The following FKBP5 variants were observed in gnomAD, a reference collection of about 807,000 sequenced individuals.
The protein encoded by FKBP5 is FKBP prolyl isomerase 5.
A neutral mutation model predicts 50.5 loss-of-function variants in FKBP5; 23 were observed. The ratio of observed to expected loss-of-function variants is 0.46; its 90% confidence interval spans 0.33 to 0.65. The LOEUF is 0.65. Ranked by LOEUF, FKBP5 falls within the 30% of genes least tolerant of loss-of-function variation. FKBP5 has a pLI of 0.02. For missense variants in FKBP5, 411 were observed against 553.1 expected, an observed-to-expected ratio of 0.74 and a Z score of 2.58; for synonymous variants, 176 against 190.6, an observed-to-expected ratio of 0.92 and a Z score of 0.63.
intron 5 of FKBP5, among the ~76,000 whole-genome samples, chr6:35,598,522 C>T (rs542830305): frequency 1.3e-5 from 2 of 152,186 alleles, no homozygotes; most frequent in East Asian, 3.9e-4. Flanking sequence ...CAGGTCTGGC[C>T]TAGACTCTTT....
At position 35,585,854 on chromosome 6, in the gene FKBP5, G is replaced by GCCC. The variant is rs1024986416; in HGVS notation, c.840+1177_840+1179dup. On this transcript the variant is annotated intron_variant, in intron 8 of 10. Transcript: ENST00000357266. Reference sequence around the variant, plus strand: ...AGCTCAAATTCTGAAAACACATGGTGCCCTCTGGCTGTGTTAATTTTGGGT... The same window carrying GCCC: ...AGCTCAAATTCTGAAAACACATGGTGCCCCCCTCTGGCTGTGTTAATTTTGGGT... 7 of 985,212 alleles carry GCCC rather than the reference G, an allele frequency of 7.1e-6. No individual in the cohort carries two copies. In the Admixed American group the frequency reaches 4.3e-4, roughly 61 times the overall value. 61.0% of individuals were successfully genotyped at this position (985,212 alleles called of 1,614,324 possible).
In FKBP5 at chr6:35,574,479, A is replaced by C. The variant is rs1284422753; in HGVS notation, c.*1356T>G. 1 of 152,214 alleles carries C rather than the reference A, an allele frequency of 6.6e-6. No individual in the cohort carries two copies. Among genetic ancestry groups the C allele is most frequent in the Non-Finnish European group, 1.5e-5 (1 of 68,042 alleles). 9.4% of individuals were successfully genotyped at this position (152,214 alleles called of 1,614,324 possible). A position where few individuals can be genotyped will look rare whatever the true frequency, so the allele number is the denominator to read the frequency against. On this transcript the variant is annotated 3_prime_UTR_variant, in exon 11 of 11. Transcript: ENST00000357266. Reference sequence around the variant, plus strand: ...TGTTTACCCGTAAGGACTGAAATTCAACTACATGTACACATTTAAGACTTG... The same window carrying C: ...TGTTTACCCGTAAGGACTGAAATTCCACTACATGTACACATTTAAGACTTG...
chr6:35,608,048 A>G (rs1413867032), intron 5 of FKBP5: 1 of 152,280 alleles, frequency 6.6e-6, no homozygotes, highest in East Asian at 1.9e-4. Context: ...AGCCATAAAA[A>G]AGAATGAAAG....
chr6:35,636,871 GC>G, intron 3 of FKBP5, 142 bp downstream of exon 3: 1 of 624,546 alleles, frequency 1.6e-6, no homozygotes, highest in South Asian at 2.9e-5. Context: ...ATCTCAGAGA[GC>G]CCTAGGGATT....
intron 2 of FKBP5, 72 bp downstream of exon 2, chr6:35,642,648 C>T (rs1764525396): frequency 8.6e-7 from 1 of 1,163,700 alleles, no homozygotes; most frequent in Non-Finnish European, 1.3e-6. Context: ...CCCCAGCCCC[C>T]CTCAGAAAGA....
chr6:35,727,876 G>A (rs1470248191), intron 1 of FKBP5, among the ~76,000 whole-genome samples: 2 of 152,192 alleles, frequency 1.3e-5, no homozygotes, highest in African/African-American at 2.4e-5. Context: ...ACCCAAGCCT[G>A]GGGTACCCAA....
At chr6:35,609,072 C>A (rs1376026239) in intron 5 of FKBP5, among the ~76,000 whole-genome samples, 3 of 152,174 alleles carry the variant, frequency 2.0e-5, no homozygotes, top group Non-Finnish European at 4.4e-5. Context: ...CAGGTGTGGG[C>A]CACTGTGCCC....
intron 6 of FKBP5, among the ~76,000 whole-genome samples, chr6:35,593,911 GA>G (rs887039116): frequency 6.6e-6 from 1 of 150,942 alleles, no homozygotes; most frequent in East Asian, 1.9e-4. Context: ...GGAAAGGACG[GA>G]AAAAAAAGTT....
At chr6:35,707,116 G>T (rs1039446994) in intron 2 of FKBP5, among the ~76,000 whole-genome samples, 2 of 151,822 alleles carry the variant, frequency 1.3e-5, no homozygotes, top group Non-Finnish European at 2.9e-5. Flanking sequence ...GGAGGAAAAA[G>T]GACTCGTTTT....
chr6:35,634,065 T>A (rs904718889), intron 3 of FKBP5, among the ~76,000 whole-genome samples: 1 of 152,182 alleles, frequency 6.6e-6, no homozygotes, highest in Admixed American at 6.5e-5. Context: ...CACCATAGTG[T>A]TTTACTGAGA....
At chr6:35,641,671 T>C (rs1764493778) in intron 2 of FKBP5, among the ~76,000 whole-genome samples, 1 of 152,168 alleles carries the variant, frequency 6.6e-6, no homozygotes, top group Non-Finnish European at 1.5e-5. Context: ...TCGCAAAAGA[T>C]ATCTTCACTG....
At chr6:35,695,867 G>A (rs995581812) in intron 2 of FKBP5, among the ~76,000 whole-genome samples, 1 of 152,074 alleles carries the variant, frequency 6.6e-6, no homozygotes, top group South Asian at 2.1e-4. Flanking sequence ...TCTTTAGGCC[G>A]GGCGTGGTGG....
chr6:35,611,615 T>TA (rs927380160), intron 5 of FKBP5, among the ~76,000 whole-genome samples: 1 of 152,186 alleles, frequency 6.6e-6, no homozygotes, highest in Non-Finnish European at 1.5e-5. Context: ...CAATTAAACT[T>TA]AAAGACTGAA....
chr6:35,707,468 G>A (rs764130468), intron 2 of FKBP5, among the ~76,000 whole-genome samples: 6 of 151,772 alleles, frequency 4.0e-5, no homozygotes, highest in African/African-American at 1.2e-4. Flanking sequence ...TAATCCGCCC[G>A]CCTCGGCCTC....
intron 2 of FKBP5, among the ~76,000 whole-genome samples, chr6:35,718,826 G>A (rs1196126707): frequency 6.6e-6 from 1 of 152,192 alleles, no homozygotes; most frequent in East Asian, 1.9e-4. Context: ...AAGGATACAG[G>A]AGTTCCAAAC....
chr6:35,588,029 A>AT (rs1212253792), intron 7 of FKBP5, among the ~76,000 whole-genome samples: 90 of 146,362 alleles, frequency 6.1e-4, no homozygotes, highest in African/African-American at 1.2e-3. Flanking sequence ...TATTATTATT[A>AT]TTATTTTTTT....
At chr6:35,643,376 A>G (rs982874803) in intron 1 of FKBP5, among the ~76,000 whole-genome samples, 1 of 152,192 alleles carries the variant, frequency 6.6e-6, no homozygotes, top group African/African-American at 2.4e-5. Context: ...TACACTATTC[A>G]TAGTTACAGT....
chr6:35,726,536 C>CCACACACACA (rs10599241), intron 1 of FKBP5, among the ~76,000 whole-genome samples: 32 of 139,446 alleles, frequency 2.3e-4, no homozygotes, highest in African/African-American at 5.5e-4. Flanking sequence ...TCCTCCTCCT[C>CCACACACACA]CACACACACA....
chr6:35,704,786 C>A (rs1249914169), intron 2 of FKBP5, among the ~76,000 whole-genome samples: 1 of 151,736 alleles, frequency 6.6e-6, no homozygotes, highest in Non-Finnish European at 1.5e-5. Context: ...TATGAAAATT[C>A]TGAAAAAGAA....
Sources: allele counts gnomAD v4.1 joint callset (sites outside exome capture counted in the v4.1 genomes callset), GRCh38; gene constraint gnomAD v4.1.1; transcripts MANE v1.5; gene names NCBI Gene and HGNC (gene_info 2026-07-23, HGNC 2026-07-21).